The following DCLRE1C variants were observed in gnomAD, a reference collection of about 807,000 sequenced individuals.
DCLRE1C encodes the protein DNA cross-link repair 1C, also known as protein artemis.
DCLRE1C carries 47 observed loss-of-function variants against 61.4 expected under a neutral mutation model. That is an observed-to-expected ratio of 0.77 (90% confidence interval 0.61 to 0.98). The LOEUF is 0.98. DCLRE1C is among the 50% of genes least tolerant of loss of function. DCLRE1C has a pLI of 0.00. For synonymous variants in DCLRE1C, 337 were observed against 287.6 expected (o/e 1.17, Z -1.74); for missense variants, 858 against 816.0 (o/e 1.05, Z -0.63).
chr10:14,925,691 G>C (rs895248332), intron 11 of DCLRE1C, among the ~76,000 whole-genome samples: 1 of 152,114 alleles, frequency 6.6e-6, no homozygotes, highest in African/African-American at 2.4e-5. Flanking sequence ...TAGAAGCCAC[G>C]TTACAGTCCT....
chr10:14,924,937 C>G (rs1188184337), intron 11 of DCLRE1C, among the ~76,000 whole-genome samples: 4 of 151,952 alleles, frequency 2.6e-5, no homozygotes, highest in African/African-American at 7.2e-5. Context: ...TTATGCCCTT[C>G]TGCAAATGGA....
intron 4 of DCLRE1C, 106 bp from the exon 5 acceptor site, chr10:14,936,699 G>T: frequency 1.3e-6 from 1 of 759,464 alleles, no homozygotes; most frequent in Non-Finnish European, 2.3e-6. Context: ...TTTTAACAAT[G>T]TGCCTTTTCT....
chr10:14,930,774 CA>C (rs769822304), intron 9 of DCLRE1C, among the ~76,000 whole-genome samples: 1 of 152,088 alleles, frequency 6.6e-6, no homozygotes, highest in Non-Finnish European at 1.5e-5. Context: ...TCCAAGAATC[CA>C]CTGGACGTGT....
intron 8 of DCLRE1C, among the ~76,000 whole-genome samples, chr10:14,934,026 G>A (rs1344757752): frequency 6.6e-6 from 1 of 152,070 alleles, no homozygotes; most frequent in Non-Finnish European, 1.5e-5. Flanking sequence ...ATGGAAGGGA[G>A]CAAGAGAAAA....
chr10:14,905,191 A>G lies in DCLRE1C; in HGVS notation c.*3217T>C, dbSNP rs1834289833. Among the ~76,000 whole-genome samples the G allele has an allele frequency of 6.6e-6, 1 of 152,250 alleles. No individual in the cohort carries two copies. The highest frequency in any genetic ancestry group is 2.4e-5 in the African/African-American group (1 of 41,468). ...CTTTAAATGTTACTTTCCTTTTAAG[A>G]TAGCTTTCATGGTTCATGCATTTGA... On this transcript the variant is annotated 3_prime_UTR_variant, in exon 14 of 14. Coordinates refer to ENST00000378278, the MANE Select transcript of DCLRE1C (RefSeq NM_001033855.3).
At position 14,935,450 on chromosome 10, in the gene DCLRE1C, C is replaced by A. The variant is rs373522931; in HGVS notation, c.464+13G>T. ...AAAATAAAATAAAATAAAACCTATA[C>A]GAGGCCCAGTACCTGCCCCCGGAGT... On this transcript the variant is annotated intron_variant, in intron 6 of 13. Coordinates refer to ENST00000378278, the MANE Select transcript of DCLRE1C (RefSeq NM_001033855.3). 59 of 1,612,164 alleles carry A rather than the reference C, an allele frequency of 3.7e-5. No individual in the cohort carries two copies. The highest frequency in any genetic ancestry group is 5.5e-5 in the South Asian group (5 of 90,988).
downstream of DCLRE1C, chr10:14,902,327 T>C (rs1834082049): frequency 3.1e-6 from 3 of 955,944 alleles, no homozygotes; most frequent in Non-Finnish European, 4.7e-6. Context: ...ATAATAAAGC[T>C]AATATAATAG....
At chr10:14,897,546 A>G (rs1833671480) in exon 14 of DCLRE1C, 2 of 1,482,878 alleles carry the variant, frequency 1.3e-6, no homozygotes, top group African/African-American at 1.4e-5. Context: ...GTAGTAAATG[A>G]TGGACATGCA....
intron 13 of DCLRE1C, among the ~76,000 whole-genome samples, chr10:14,911,837 A>G (rs1222161422): frequency 1.3e-5 from 2 of 152,258 alleles, no homozygotes; most frequent in Non-Finnish European, 2.9e-5. Flanking sequence ...CAATAAGCAC[A>G]TGAAAGAAAG....
At position 14,926,711 on chromosome 10, in the gene DCLRE1C, A is replaced by G. The variant is rs1407944780; in HGVS notation, c.972+132T>C. On this transcript the variant is annotated intron_variant, in intron 11 of 13. Coordinates refer to ENST00000378278, the MANE Select transcript of DCLRE1C (RefSeq NM_001033855.3). ...ATAATGAGGATGAACTGCATTTAGGAAAAAAAAACTAAAAGGAAATGAAAC... is the reference window on the plus strand; with the variant it reads ...ATAATGAGGATGAACTGCATTTAGGGAAAAAAAACTAAAAGGAAATGAAAC... The G allele has an allele frequency of 1.9e-5, 14 of 722,826 alleles. No homozygotes were observed. In the Admixed American group the frequency reaches 3.5e-4, roughly 18 times the overall value. The allele number at this position is 722,826 out of a possible 1,614,324, so 44.8% of individuals were successfully genotyped here. A position where few individuals can be genotyped will look rare whatever the true frequency, so the allele number is the denominator to read the frequency against.
intron 10 of DCLRE1C, among the ~76,000 whole-genome samples, chr10:14,927,227 C>CA (rs1327527732): frequency 6.6e-6 from 1 of 152,004 alleles, no homozygotes; most frequent in African/African-American, 2.4e-5. Context: ...ACTGAAAACA[C>CA]AAAAAGTTAG....
At chr10:14,909,380 A>G in intron 13 of DCLRE1C, 50 bp from the exon 14 acceptor site, 1 of 1,516,410 alleles carries the variant, frequency 6.6e-7, no homozygotes, top group South Asian at 1.2e-5. Flanking sequence ...AAGGGAGCCA[A>G]TTTGTAGTAT....
At position 14,909,316 on chromosome 10, in the gene DCLRE1C, A is replaced by T; in HGVS notation, c.1171T>A (p.Tyr391Asn). Reference sequence around the variant, plus strand: ...ATTGGCAGAGGATCATCAAAGAGATAGTCATCTTCCTCCTCTGTGGGACAA... The same window carrying T: ...ATTGGCAGAGGATCATCAAAGAGATTGTCATCTTCCTCCTCTGTGGGACAA... ...VHRDSEEEDD[Y>N]LFDDPLPIPL... Residue 391 changes from tyrosine to asparagine, a missense_variant, in exon 14 of 14, where the codon TAT becomes AAT. This residue lies in a region of DCLRE1C where 843 missense variants were observed against 783.5 expected (regional missense o/e 1.08). Transcript: ENST00000378278. The T allele has an allele frequency of 6.2e-7, 1 of 1,613,676 alleles. No homozygotes were observed. Among genetic ancestry groups the T allele is most frequent in the South Asian group, 1.1e-5 (1 of 91,030 alleles).
exon 14 of DCLRE1C, chr10:14,899,154 T>G (rs1487365691): frequency 1.4e-6 from 1 of 694,654 alleles, no homozygotes; most frequent in Non-Finnish European, 2.6e-6. Context: ...ACCCCACATC[T>G]CTATAAAAAC....
chr10:14,925,306 C>A (rs1001581207), intron 11 of DCLRE1C, among the ~76,000 whole-genome samples: 1 of 151,546 alleles, frequency 6.6e-6, no homozygotes, highest in South Asian at 2.1e-4. Flanking sequence ...ATGAAATGGC[C>A]CCAAGGAGAT....
At chr10:14,931,596 TG>T (rs1438141839) in intron 9 of DCLRE1C, among the ~76,000 whole-genome samples, 2 of 151,096 alleles carry the variant, frequency 1.3e-5, no homozygotes, top group Admixed American at 6.6e-5. Flanking sequence ...AGAAGACAAA[TG>T]ACATGTGACT....
exon 14 of DCLRE1C, chr10:14,897,616 G>C: frequency 1.9e-6 from 2 of 1,032,118 alleles, no homozygotes; most frequent in Non-Finnish European, 2.6e-6. Context: ...GGTACATTTT[G>C]ATATTTTCAT....
chr10:14,933,178 A>G (rs1287212654), intron 8 of DCLRE1C, among the ~76,000 whole-genome samples: 1 of 152,194 alleles, frequency 6.6e-6, no homozygotes, highest in Non-Finnish European at 1.5e-5. Context: ...TCAGTGAACA[A>G]TTATGGACAC....
chr10:14,924,971 T>C (rs1307261825), intron 11 of DCLRE1C, among the ~76,000 whole-genome samples: 2 of 152,030 alleles, frequency 1.3e-5, no homozygotes, highest in African/African-American at 4.8e-5. Context: ...AATGTAATTA[T>C]TAGTATCCCA....
Sources: gnomAD v4.1 joint callset for allele counts (sites outside exome capture counted in the v4.1 genomes callset) on GRCh38, gnomAD v4.1.1 for gene constraint, gnomAD v4.1.1 regional missense constraint, MANE v1.5 for transcripts, NCBI Gene and HGNC (gene_info 2026-07-23, HGNC 2026-07-21) for gene names.